Variants in FTO observed in about 807,000 individuals in gnomAD.
FTO encodes the protein alpha-ketoglutarate-dependent dioxygenase FTO.
A neutral mutation model predicts 63.9 loss-of-function variants in FTO; 47 were observed. The ratio of observed to expected loss-of-function variants is 0.74; its 90% CI spans 0.58 to 0.94. The LOEUF is 0.94. FTO is among the 40% of genes least tolerant of loss of function. The pLI is 0.00. For synonymous variants in FTO, 207 were observed against 224.4 expected, an observed-to-expected ratio of 0.92 and a Z score of 0.69; for missense variants, 562 against 618.1, an observed-to-expected ratio of 0.91 and a Z score of 0.96.
chr16:53,911,314 C>A, intron 7 of FTO: 2 of 698,512 alleles, frequency 2.9e-6, no homozygotes, highest in South Asian at 1.5e-5. Flanking sequence ...AGGCGCAGAA[C>A]AGTCAGTGGA....
Position 54,119,742 on chromosome 16 carries a change from G to C in FTO, c.*7827G>C, listed in dbSNP as rs1379860863. 6.6e-6 allele frequency: 1 copy of C among 152,146 alleles called. No homozygotes were observed. Among genetic ancestry groups the C allele is most frequent in the Non-Finnish European group, 1.5e-5 (1 of 68,028 alleles). The allele number at this position is 152,146 out of a possible 1,614,324, so 9.4% of individuals were successfully genotyped here. On this transcript the variant is annotated 3_prime_UTR_variant, in exon 9 of 9. Coordinates refer to ENST00000471389, the MANE Select transcript of FTO (RefSeq NM_001080432.3). ...CCCCATTAGCTTGAATGCATTCAAA[G>C]CTAAACTATTGGATCATTTAAGGGC...
intron 8 of FTO, among the ~76,000 whole-genome samples, chr16:54,021,633 G>A (rs1482435549): frequency 6.6e-6 from 1 of 152,074 alleles, no homozygotes; most frequent in Non-Finnish European, 1.5e-5. Context: ...GGGACTACAG[G>A]AGCACACTAT....
At chr16:53,791,326 A>G (rs9931164) in intron 1 of FTO, among the ~76,000 whole-genome samples, 4,703 of 152,330 alleles carry the variant, frequency 0.031, 83 homozygotes, top group South Asian at 0.079. Flanking sequence ...AGTAACCTTA[A>G]GTAGGCAGGA....
At chr16:53,832,228 C>A (rs2079162940) in intron 3 of FTO, among the ~76,000 whole-genome samples, 1 of 152,158 alleles carries the variant, frequency 6.6e-6, no homozygotes, top group South Asian at 2.1e-4. Context: ...ATTTTCTCCC[C>A]TCTGTGAATG....
At chr16:54,108,120 G>GT (rs2086797531) in intron 8 of FTO, among the ~76,000 whole-genome samples, 1 of 152,208 alleles carries the variant, frequency 6.6e-6, no homozygotes, top group Non-Finnish European at 1.5e-5. Context: ...TGGTGGAACG[G>GT]TGGGAGTAAA....
At chr16:54,051,188 G>T (rs1387909677) in intron 8 of FTO, among the ~76,000 whole-genome samples, 1 of 152,098 alleles carries the variant, frequency 6.6e-6, no homozygotes, top group African/African-American at 2.4e-5. Flanking sequence ...CAAGGGAAAG[G>T]GTAAATGTTG....
intron 8 of FTO, among the ~76,000 whole-genome samples, chr16:53,967,553 C>T (rs1461798967): frequency 1.3e-5 from 2 of 152,122 alleles, no homozygotes; most frequent in African/African-American, 4.8e-5. Flanking sequence ...CTAGAGCTTA[C>T]AAGCCAACGC....
At chr16:53,895,103 A>T (rs1468041242) in intron 7 of FTO, among the ~76,000 whole-genome samples, 1 of 152,048 alleles carries the variant, frequency 6.6e-6, no homozygotes, top group African/African-American at 2.4e-5. Flanking sequence ...ACCCACTCTA[A>T]TTCCCCACCC....
intron 7 of FTO, among the ~76,000 whole-genome samples, chr16:53,904,122 A>G (rs938489858): frequency 1.3e-5 from 2 of 152,046 alleles, no homozygotes; most frequent in Non-Finnish European, 2.9e-5. Context: ...ACATGTGTAC[A>G]TATGTGTCCA....
At chr16:54,068,702 T>C (rs1010165293) in intron 8 of FTO, among the ~76,000 whole-genome samples, 2 of 152,170 alleles carry the variant, frequency 1.3e-5, no homozygotes, top group African/African-American at 2.4e-5. Flanking sequence ...GATTTTATCA[T>C]TTTTACTACT....
At chr16:54,086,271 G>A (rs2086253120) in intron 8 of FTO, among the ~76,000 whole-genome samples, 1 of 152,182 alleles carries the variant, frequency 6.6e-6, no homozygotes. Context: ...CAAGACCCAT[G>A]TATCCAGCCA....
At chr16:53,752,624 A>G (rs1215202129) in intron 1 of FTO, among the ~76,000 whole-genome samples, 1 of 152,178 alleles carries the variant, frequency 6.6e-6, no homozygotes, top group Non-Finnish European at 1.5e-5. Flanking sequence ...CTTCTTTTCA[A>G]TCCATATGGA....
chr16:54,019,490 G>A (rs1252843040), intron 8 of FTO, among the ~76,000 whole-genome samples: 1 of 152,102 alleles, frequency 6.6e-6, no homozygotes, highest in Admixed American at 6.6e-5. Flanking sequence ...AAAGTTGTTG[G>A]CATATCTACC....
chr16:53,792,179 GTA>G, intron 1 of FTO, among the ~76,000 whole-genome samples: 1 of 152,134 alleles, frequency 6.6e-6, no homozygotes, highest in Non-Finnish European at 1.5e-5. Flanking sequence ...TACCTATTTT[GTA>G]TTATAAACCT....
chr16:53,974,649 T>C (rs1412853127), intron 8 of FTO, among the ~76,000 whole-genome samples: 1 of 152,224 alleles, frequency 6.6e-6, no homozygotes, highest in African/African-American at 2.4e-5. Context: ...AAAGATTCTT[T>C]GTCACACGCA....
At chr16:53,912,300 A>T (rs2081731765) in intron 7 of FTO, among the ~76,000 whole-genome samples, 1 of 152,220 alleles carries the variant, frequency 6.6e-6, no homozygotes, top group Admixed American at 6.5e-5. Context: ...GTAACACTTT[A>T]GCCTCTGCTA....
intron 1 of FTO, among the ~76,000 whole-genome samples, chr16:53,725,544 A>T (rs182117810): frequency 2.2e-4 from 34 of 152,382 alleles, no homozygotes; most frequent in African/African-American, 7.9e-4. Context: ...AGGTTGCTAC[A>T]TGCTCATATA....
chr16:54,060,059 A>G (rs1241356320), intron 8 of FTO, among the ~76,000 whole-genome samples: 2 of 152,190 alleles, frequency 1.3e-5, no homozygotes, highest in Admixed American at 6.5e-5. Flanking sequence ...TCTTTTTAAA[A>G]CAGACTTCCT....
intron 7 of FTO, among the ~76,000 whole-genome samples, chr16:53,912,651 A>C (rs759997227): frequency 3.1e-4 from 47 of 151,880 alleles, no homozygotes; most frequent in Non-Finnish European, 5.7e-4. Flanking sequence ...CTTAATGGGG[A>C]TTTTGAGAAC....
Sources: allele counts gnomAD v4.1 joint callset (sites outside exome capture counted in the v4.1 genomes callset), GRCh38; gene constraint gnomAD v4.1.1; transcripts MANE v1.5; gene names NCBI Gene and HGNC (gene_info 2026-07-23, HGNC 2026-07-21).